The following FRMD4A variants were observed in gnomAD, a reference collection of about 807,000 sequenced individuals.
The protein encoded by FRMD4A is FERM domain containing 4A.
In FRMD4A, 29 loss-of-function variants were observed where a neutral mutation model predicts 129.1. That is an observed-to-expected ratio of 0.22 (90% CI 0.17 to 0.31). The LOEUF (loss-of-function observed/expected upper bound fraction) is 0.31, where lower values mean the gene tolerates loss of function less well. Ranked by LOEUF, FRMD4A falls within the 10% of genes least tolerant of loss-of-function variation. The pLI, the probability that FRMD4A is intolerant of heterozygous loss-of-function variation, is 1.00. For synonymous variants in FRMD4A, 634 were observed against 571.6 expected, an observed-to-expected ratio of 1.11 and a Z score of -1.56; for missense variants, 1,272 against 1,375.8, an observed-to-expected ratio of 0.92 and a Z score of 1.19.
chr10:13,748,835 G>T (rs1382245955), intron 8 of FRMD4A, among the ~76,000 whole-genome samples: 1 of 152,090 alleles, frequency 6.6e-6, no homozygotes, highest in East Asian at 1.9e-4. Flanking sequence ...AAGCCTGAAA[G>T]AAATCTGAAA....
At position 13,893,225 on chromosome 10, in the gene FRMD4A, C is replaced by T. The variant is rs139365023; in HGVS notation, c.46-34313G>A. Among the ~76,000 whole-genome samples the T allele has an allele frequency of 2.3e-3, 355 of 152,146 alleles. 9 individuals carry two copies. The highest frequency in any genetic ancestry group is 0.02 in the Admixed American group (305 of 15,274). Reference sequence around the variant, plus strand: ...CTAATTTTTGTATTTTTTGTAGAGACGGGATCTTGTCATGTTGCCCAGGCT... The same window carrying T: ...CTAATTTTTGTATTTTTTGTAGAGATGGGATCTTGTCATGTTGCCCAGGCT... On this transcript the variant is annotated intron_variant, in intron 2 of 24. Transcript: ENST00000357447.
At chr10:14,104,561 G>A (rs919885660) in intron 2 of FRMD4A, among the ~76,000 whole-genome samples, 1 of 152,200 alleles carries the variant, frequency 6.6e-6, no homozygotes. Flanking sequence ...GCTCTACGGT[G>A]GCCCCGCTCA....
intron 9 of FRMD4A, among the ~76,000 whole-genome samples, chr10:13,747,139 C>T (rs866598454): frequency 1.3e-5 from 2 of 150,000 alleles, no homozygotes; most frequent in Admixed American, 6.7e-5. Context: ...GTGAAGCTTC[C>T]AAAGTGAAAT....
intron 2 of FRMD4A, among the ~76,000 whole-genome samples, chr10:14,170,488 C>T (rs756524412): frequency 5.3e-5 from 8 of 152,084 alleles, no homozygotes; most frequent in Non-Finnish European, 1.2e-4. Context: ...AAGTACAGCG[C>T]AGGATATGTC....
At chr10:14,252,860 C>A (rs1379675066) in intron 2 of FRMD4A, among the ~76,000 whole-genome samples, 2 of 152,212 alleles carry the variant, frequency 1.3e-5, no homozygotes, top group Non-Finnish European at 2.9e-5. Context: ...TTTCTAATTC[C>A]ATCATTCATT....
intron 2 of FRMD4A, among the ~76,000 whole-genome samples, chr10:13,896,692 G>GA (rs2094762660): frequency 2.0e-5 from 3 of 151,564 alleles, no homozygotes; most frequent in Admixed American, 2.0e-4. Flanking sequence ...AAAAAAAAAA[G>GA]AAAGAAAAGA....
chr10:14,036,936 C>T (rs1471286072), intron 2 of FRMD4A, among the ~76,000 whole-genome samples: 2 of 152,146 alleles, frequency 1.3e-5, no homozygotes, highest in Non-Finnish European at 2.9e-5. Context: ...GCTTTTGAAA[C>T]TCTTTTGTTA....
At chr10:13,833,724 T>A (rs2093826542) in intron 3 of FRMD4A, among the ~76,000 whole-genome samples, 2 of 152,046 alleles carry the variant, frequency 1.3e-5, no homozygotes, top group Admixed American at 1.3e-4. Context: ...CGTAAGTCTT[T>A]ACAAGAGCCC....
chr10:13,882,077 G>C (rs143864251), intron 2 of FRMD4A, among the ~76,000 whole-genome samples: 1 of 151,108 alleles, frequency 6.6e-6, no homozygotes, highest in African/African-American at 2.4e-5. Flanking sequence ...GAAATAAGAA[G>C]CCTCTAGATT....
At chr10:14,305,732 C>T (rs934335950) in intron 2 of FRMD4A, among the ~76,000 whole-genome samples, 1 of 152,006 alleles carries the variant, frequency 6.6e-6, no homozygotes, top group African/African-American at 2.4e-5. Flanking sequence ...AACCTAAATG[C>T]CCGTCAATGA....
At position 13,666,092 on chromosome 10, in the gene FRMD4A, C is replaced by G; in HGVS notation, c.1603+5G>C. 6.3e-7 allele frequency: 1 copy of G among 1,583,846 alleles called. No individual in the cohort carries two copies. The highest frequency in any genetic ancestry group is 8.7e-7 in the Non-Finnish European group (1 of 1,152,394). On this transcript the variant is annotated splice_donor_5th_base_variant and intron_variant, in intron 18 of 24. Transcript: ENST00000357447. ...TGGGGTGGGGGCAGCCCGGTTGGCA[C>G]TGACCGTCTATGATCAGCGAAGCCC...
At chr10:14,023,410 T>G (rs1832849189) in intron 2 of FRMD4A, among the ~76,000 whole-genome samples, 2 of 151,790 alleles carry the variant, frequency 1.3e-5, no homozygotes, top group Non-Finnish European at 2.9e-5. Context: ...AAGGACTCAG[T>G]GATGTACTAT....
At chr10:14,265,914 G>A (rs975291062) in intron 2 of FRMD4A, among the ~76,000 whole-genome samples, 1 of 152,158 alleles carries the variant, frequency 6.6e-6, no homozygotes, top group Non-Finnish European at 1.5e-5. Flanking sequence ...TTGGGCAAAT[G>A]CTTCACCTCT....
rs777756491 is a variant in FRMD4A, at chr10:13,802,484, CTCTGT to C, written c.207-5901_207-5897del. ...TTATCTATTTAGAGACAGGGTCTCACTCTGTTGCCCAGGCTGGAGTGCAGTGGTGC... is the reference window on the plus strand; with the variant it reads ...TTATCTATTTAGAGACAGGGTCTCACTGCCCAGGCTGGAGTGCAGTGGTGC... On this transcript the variant is annotated intron_variant, in intron 4 of 24. Transcript: ENST00000357447. 1.1e-3 allele frequency among the ~76,000 whole-genome samples: 168 copies of C among 152,202 alleles called. 1 individual carries two copies. The highest frequency in any genetic ancestry group is 1.7e-3 in the Non-Finnish European group (116 of 68,032).
intron 2 of FRMD4A, among the ~76,000 whole-genome samples, chr10:13,987,777 C>G (rs1319447361): frequency 6.6e-6 from 1 of 152,160 alleles, no homozygotes; most frequent in African/African-American, 2.4e-5. Context: ...ATTCTGAGAC[C>G]TGACTTCCTG....
At chr10:14,216,631 T>A (rs928933289) in intron 2 of FRMD4A, among the ~76,000 whole-genome samples, 5 of 152,172 alleles carry the variant, frequency 3.3e-5, no homozygotes, top group Non-Finnish European at 7.3e-5. Context: ...AAATTGCCAG[T>A]CTTGTCGCAG....
chr10:13,884,184 A>ACGCACT (rs780160804), intron 2 of FRMD4A, among the ~76,000 whole-genome samples: 1 of 79,550 alleles, frequency 1.3e-5, no homozygotes, highest in Non-Finnish European at 2.7e-5. Context: ...ACTCACACAC[A>ACGCACT]CACACACACA....
rs1040333367 is a variant in FRMD4A, at chr10:14,330,740, C to T, written c.-225G>A. 2 of 398,738 alleles carry T rather than the reference C, an allele frequency of 5.0e-6. No homozygotes were observed. Among genetic ancestry groups the T allele is most frequent in the East Asian group, 3.6e-5 (1 of 28,092 alleles). 24.7% of individuals were successfully genotyped at this position (398,738 alleles called of 1,614,324 possible). A position where few individuals can be genotyped will look rare whatever the true frequency, so the allele number is the denominator to read the frequency against. On this transcript the variant is annotated 5_prime_UTR_variant, in exon 1 of 25. Coordinates refer to ENST00000357447, the MANE Select transcript of FRMD4A (RefSeq NM_018027.5). ...GATCAGCAAATGCCCTTACCATCCC[C>T]GAGGAGGAAGTCACTTAGGAACTGA...
rs566180431 is a variant in FRMD4A at position 14,018,951 on chromosome 10, A to G, written c.46-160039T>C. Among the ~76,000 whole-genome samples, 5 of 152,290 alleles carry G rather than the reference A, an allele frequency of 3.3e-5. No homozygotes were observed. In the South Asian group the frequency reaches 1.0e-3, roughly 32 times the overall value. ...TCAACAAGAGAATACCGATCACTAG[A>G]TAAGTTATTAGTTAAGTGTGAGGGC... On this transcript the variant is annotated intron_variant, in intron 2 of 24. Coordinates refer to ENST00000357447, the MANE Select transcript of FRMD4A (RefSeq NM_018027.5).
Sources: gnomAD v4.1 joint callset for allele counts (sites outside exome capture counted in the v4.1 genomes callset) on GRCh38, gnomAD v4.1.1 for gene constraint, MANE v1.5 for transcripts, NCBI Gene and HGNC (gene_info 2026-07-23, HGNC 2026-07-21) for gene names.